Variants in RAB13 observed in about 807,000 individuals in gnomAD.
RAB13 encodes RAB13, member RAS oncogene family, also known as ras-related protein Rab-13.
A neutral mutation model predicts 29.3 loss-of-function variants in RAB13; 15 were observed. The observed-to-expected ratio is 0.51, with a 90% CI of 0.34 to 0.79. RAB13 has a LOEUF of 0.79. Among genes scored for constraint, RAB13 ranks in the 30% least tolerant of loss-of-function variants. RAB13 has a pLI of 0.01. For synonymous variants in RAB13, 82 were observed against 93.8 expected (o/e 0.87, Z 0.73); for missense variants, 186 against 255.5 (o/e 0.73, Z 1.85).
At chr1:153,987,771 C>T (rs1261604291), upstream of RAB13, among the ~76,000 whole-genome samples, 2 of 78,194 alleles carry the variant, frequency 2.6e-5, no homozygotes, top group African/African-American at 4.9e-5. Flanking sequence ...GAGACTGCTT[C>T]GACAAAAAAA....
intron 3 of RAB13, 52 bp from the exon 4 acceptor site, chr1:153,983,348 C>T (rs777965672): frequency 6.4e-7 from 1 of 1,563,688 alleles, no homozygotes; most frequent in East Asian, 2.2e-5. Flanking sequence ...AGGCTTCCCA[C>T]TGCCCTGTAA....
chr1:153,982,665 C>G, intron 5 of RAB13, 54 bp downstream of exon 5: 1 of 1,610,662 alleles, frequency 6.2e-7, no homozygotes, highest in South Asian at 1.1e-5. Context: ...TGCAATGCAA[C>G]CTATCTTGGC....
chr1:153,981,965 CT>C lies in RAB13; in HGVS notation c.*133del. 1 of 725,390 alleles carries C rather than the reference CT, an allele frequency of 1.4e-6. No individual in the cohort carries two copies. The highest frequency in any genetic ancestry group is 2.4e-6 in the Non-Finnish European group (1 of 420,852). The allele number at this position is 725,390 out of a possible 1,614,324, so 44.9% of individuals were successfully genotyped here. ...TTCCTTTCTGCTTTTCCCTTTTCTC[CT>C]TTTTCTCCTCATTCTCTTTACCATC... On this transcript the variant is annotated 3_prime_UTR_variant, in exon 8 of 8. Coordinates refer to ENST00000368575, the MANE Select transcript of RAB13 (RefSeq NM_002870.5).
intron 1 of RAB13, chr1:153,985,331 C>T (rs1649127462): frequency 2.0e-6 from 2 of 984,584 alleles, no homozygotes; most frequent in Non-Finnish European, 2.4e-6. Flanking sequence ...TCCTTTGTAA[C>T]CAGAATTGTC....
intron 4 of RAB13, 72 bp from the exon 5 acceptor site, chr1:153,982,880 A>C: frequency 6.8e-7 from 1 of 1,480,454 alleles, no homozygotes; most frequent in East Asian, 2.3e-5. Flanking sequence ...TAATCCCAGC[A>C]CTTTGGGAGG....
upstream of RAB13, among the ~76,000 whole-genome samples, chr1:153,990,254 C>T (rs901935673): frequency 2.4e-4 from 36 of 152,080 alleles, no homozygotes; most frequent in African/African-American, 8.2e-4. Context: ...TTAGTAGAGA[C>T]GGGGTTTCAC....
intron 3 of RAB13, 73 bp downstream of exon 3, chr1:153,983,448 C>A (rs773980856): frequency 4.6e-6 from 7 of 1,532,344 alleles, no homozygotes; most frequent in Non-Finnish European, 6.3e-6. Flanking sequence ...CTGCCCCAAC[C>A]CCTGACCCTT....
intron 4 of RAB13, 145 bp from the exon 5 acceptor site, chr1:153,982,953 C>G: frequency 1.2e-6 from 1 of 826,368 alleles, no homozygotes; most frequent in Non-Finnish European, 2.0e-6. Context: ...TGGAGAAAAC[C>G]CGTCTCTACT....
In RAB13 at chr1:153,982,608, G is replaced by C. The variant is rs1407489831; in HGVS notation, c.415-8C>G. The C allele has an allele frequency of 6.2e-7, 1 of 1,613,178 alleles. No individual in the cohort carries two copies. The highest frequency in any genetic ancestry group is 1.7e-5 in the Admixed American group (1 of 60,016). On this transcript the variant is annotated splice_polypyrimidine_tract_variant and splice_region_variant and intron_variant, in intron 5 of 7. Transcript: ENST00000368575. The stretch of plus-strand genomic sequence containing the variant: ...TCCATGCTCTCGAGCCAACTATAAG[G>C]GGTGAAGTGGGAAGAGAATTGAATT...
Position 153,982,273 on chromosome 1 carries a change from T to C in RAB13, c.535-97A>G, listed in dbSNP as rs1040359354. ...GTAAATCCACCCTCATGAGAAATCT[T>C]AGCATTGCTCCCCGTTTTTATCAAC... On this transcript the variant is annotated intron_variant, in intron 7 of 7. Coordinates refer to ENST00000368575, the MANE Select transcript of RAB13 (RefSeq NM_002870.5). 2.7e-5 allele frequency: 41 copies of C among 1,502,810 alleles called. No homozygotes were observed. In the African/African-American group the frequency reaches 4.6e-4, roughly 17 times the overall value. 93.1% of individuals were successfully genotyped at this position (1,502,810 alleles called of 1,614,324 possible).
chr1:153,985,207 T>G (rs1259793609), intron 1 of RAB13: 1 of 988,690 alleles, frequency 1.0e-6, no homozygotes, highest in Non-Finnish European at 1.2e-6. Context: ...AGGAAAAAAG[T>G]AGCTGAAGCC....
chr1:153,986,148 T>C lies in RAB13; in HGVS notation c.89A>G (p.Glu30Gly). ...GKTCLIIRFA[E>G]DNFNNTYIST... ...GATGTAAGTGTTGTTGAAGTTGTCC[T>C]CTGCAAAGCGAATGATCAGACAAGT... The change falls in exon 1 of 8, where the codon GAG becomes GGG. Residue 30 changes from glutamate (E) to glycine (G), a missense_variant. By Grantham distance (98) the Glu-to-Gly change is moderately conservative (BLOSUM62 -2). Coordinates refer to ENST00000368575, the MANE Select transcript of RAB13 (RefSeq NM_002870.5). 1 of 1,613,896 alleles carries C rather than the reference T, an allele frequency of 6.2e-7. No homozygotes were observed. The highest frequency in any genetic ancestry group is 8.5e-7 in the Non-Finnish European group (1 of 1,179,956).
rs1248881456 is a variant in RAB13 at position 153,981,991 on chromosome 1, C to T, written c.*108G>A. ...TTTTTCTCCTCATTCTCTTTACCAT[C>T]TACCTATGTGACCCTCCAAGCCCCT... On this transcript the variant is annotated 3_prime_UTR_variant, in exon 8 of 8. Coordinates refer to ENST00000368575, the MANE Select transcript of RAB13 (RefSeq NM_002870.5). 9 of 900,494 alleles carry T rather than the reference C, an allele frequency of 1.0e-5. No homozygotes were observed. The Middle Eastern group carries it at 1.3e-3, about 125-fold the overall frequency. The allele number at this position is 900,494 out of a possible 1,614,324, so 55.8% of individuals were successfully genotyped here.
chr1:153,983,186 C>T, intron 4 of RAB13, 33 bp downstream of exon 4: 1 of 1,574,336 alleles, frequency 6.4e-7, no homozygotes, highest in South Asian at 1.1e-5. Context: ...CAGGTTCTAA[C>T]CAGTTTCCCC....
chr1:153,987,982 T>A (rs538670290), upstream of RAB13, among the ~76,000 whole-genome samples: 3 of 151,866 alleles, frequency 2.0e-5, no homozygotes, highest in African/African-American at 4.8e-5. Flanking sequence ...ATTTATTTTT[T>A]AATTAATTAA....
chr1:153,985,147 C>G (rs1649121800), intron 1 of RAB13: 2 of 1,038,204 alleles, frequency 1.9e-6, no homozygotes, highest in African/African-American at 1.7e-5. Flanking sequence ...TCTCTGTTTT[C>G]TTAGAGCCCT....
chr1:153,984,084 G>A (rs915059815), intron 2 of RAB13, among the ~76,000 whole-genome samples: 1 of 151,286 alleles, frequency 6.6e-6, no homozygotes, highest in Non-Finnish European at 1.5e-5. Flanking sequence ...GGCTGAGGTC[G>A]GAGAATCACT....
At chr1:153,989,618 C>T (rs974365961), upstream of RAB13, among the ~76,000 whole-genome samples, 1 of 151,964 alleles carries the variant, frequency 6.6e-6, no homozygotes, top group Middle Eastern at 3.4e-3. Flanking sequence ...AAAGGCCGGA[C>T]GCGGTGTCTC....
At chr1:153,984,177 CAAAAAAAA>C (rs751964337) in intron 2 of RAB13, among the ~76,000 whole-genome samples, 2 of 74,504 alleles carry the variant, frequency 2.7e-5, no homozygotes, top group African/African-American at 5.4e-5. Flanking sequence ...AACTCTGTCT[CAAAAAAAA>C]AAAAAAAAAA....
Sources: gnomAD v4.1 joint callset for allele counts (sites outside exome capture counted in the v4.1 genomes callset) on GRCh38, gnomAD v4.1.1 for gene constraint, MANE v1.5 for transcripts, NCBI Gene and HGNC (gene_info 2026-07-23, HGNC 2026-07-21) for gene names.